Variants in ANXA6 observed in about 807,000 individuals in gnomAD.
ANXA6 encodes 67 kDa calelectrin.
ANXA6 carries 71 observed loss-of-function variants against 95.4 expected under a neutral mutation model. The observed-to-expected ratio is 0.74, with a 90% confidence interval of 0.61 to 0.91. The LOEUF (loss-of-function observed/expected upper bound fraction) is 0.91. Among genes scored for constraint, ANXA6 ranks in the 40% least tolerant of loss-of-function variants. ANXA6 has a pLI of 0.00. For missense variants in ANXA6, 830 were observed against 876.4 expected (o/e 0.95, Z 0.67); for synonymous variants, 289 against 315.9 (o/e 0.91, Z 0.90).
At chr5:151,104,257 A>C (rs931695911) in intron 24 of ANXA6, among the ~76,000 whole-genome samples, 6 of 152,130 alleles carry the variant, frequency 3.9e-5, no homozygotes, top group African/African-American at 1.4e-4. Context: ...TATGAGAATA[A>C]ATTTCTTTTG....
chr5:151,147,035 AGTGCTGGGATTATAGGTGAGAGTCACC>A (rs1222473585), intron 2 of ANXA6, among the ~76,000 whole-genome samples: 1 of 152,276 alleles, frequency 6.6e-6, no homozygotes, highest in African/African-American at 2.4e-5. Flanking sequence ...AGCCTCCCAA[AGTGCTGGGATTATAGGTGAGAGTCACC>A]GTGCCCAGCC....
At chr5:151,133,400 T>C (rs1208086158) in intron 8 of ANXA6, 3 of 549,368 alleles carry the variant, frequency 5.5e-6, no homozygotes, top group South Asian at 2.1e-5. Context: ...TGTGTGATCA[T>C]AGAGCACTCG....
chr5:151,103,046 G>T (rs1263296362), intron 25 of ANXA6, among the ~76,000 whole-genome samples: 7 of 152,164 alleles, frequency 4.6e-5, no homozygotes, highest in Non-Finnish European at 8.8e-5. Flanking sequence ...GCCCAGGCTG[G>T]AGTGCAGTGG....
intron 6 of ANXA6, 35 bp downstream of exon 6, chr5:151,137,196 T>C (rs1765687986): frequency 6.4e-7 from 1 of 1,568,812 alleles, no homozygotes; most frequent in Non-Finnish European, 8.8e-7. Flanking sequence ...ATTTTGTATC[T>C]GAAGATCCTA....
At chr5:151,143,596 A>C (rs1333921624) in intron 2 of ANXA6, among the ~76,000 whole-genome samples, 1 of 152,090 alleles carries the variant, frequency 6.6e-6, no homozygotes, top group Non-Finnish European at 1.5e-5. Context: ...GTAGAGATAC[A>C]TGACAGCTTC....
At chr5:151,135,110 AC>A (rs1296492840) in intron 7 of ANXA6, among the ~76,000 whole-genome samples, 2 of 152,126 alleles carry the variant, frequency 1.3e-5, no homozygotes, top group Admixed American at 1.3e-4. Context: ...ACTCCTTCTT[AC>A]GTGGGCAGAG....
intron 20 of ANXA6, 35 bp from the exon 21 acceptor site, chr5:151,110,679 G>A: frequency 6.2e-7 from 1 of 1,612,670 alleles, no homozygotes; most frequent in Non-Finnish European, 8.5e-7. Context: ...AGGGAGAGAA[G>A]GGAGGCAAGA....
intron 23 of ANXA6, among the ~76,000 whole-genome samples, chr5:151,106,041 T>G (rs752240221): frequency 1.6e-4 from 24 of 152,138 alleles, no homozygotes; most frequent in Non-Finnish European, 2.9e-4. Flanking sequence ...TTTAGAGAAA[T>G]ATTGCTCCAA....
chr5:151,157,108 T>C (rs934203134), intron 1 of ANXA6, among the ~76,000 whole-genome samples: 2 of 152,056 alleles, frequency 1.3e-5, no homozygotes, highest in Admixed American at 6.5e-5. Context: ...ACTGCATTCA[T>C]AGACAAGCAG....
At position 151,155,184 on chromosome 5, in the gene ANXA6, G is replaced by C. The variant is rs79432877; in HGVS notation, c.-26+2496C>G. On this transcript the variant is annotated intron_variant, in intron 1 of 25. Transcript: ENST00000354546. Reference sequence around the variant, plus strand: ...GGCATTAATAACAGCGTCTAACATAGCAAGGCTTCAGCCGGGGCCTGGCAA... The same window carrying C: ...GGCATTAATAACAGCGTCTAACATACCAAGGCTTCAGCCGGGGCCTGGCAA... The C allele has an allele frequency of 2.5e-3, 380 of 152,274 alleles. 2 individuals carry two copies. Among genetic ancestry groups the C allele is most frequent in the Admixed American group, 5.1e-3 (78 of 15,298 alleles). The allele number at this position is 152,274 out of a possible 1,614,324, so 9.4% of individuals were successfully genotyped here. A position where few individuals can be genotyped will look rare whatever the true frequency, so the allele number is the denominator to read the frequency against.
intron 24 of ANXA6, among the ~76,000 whole-genome samples, chr5:151,104,039 A>G (rs1764623885): frequency 6.6e-6 from 1 of 152,196 alleles, no homozygotes; most frequent in Admixed American, 6.5e-5. Context: ...ATATCTTTAG[A>G]AGAGGGAGGG....
At chr5:151,143,783 A>G (rs80183018) in intron 2 of ANXA6, among the ~76,000 whole-genome samples, 1,787 of 152,184 alleles carry the variant, frequency 0.012, 36 homozygotes, top group African/African-American at 0.042. Flanking sequence ...TCATAAATGG[A>G]TGGATGAATG....
intron 17 of ANXA6, among the ~76,000 whole-genome samples, chr5:151,121,778 T>C (rs1765174745): frequency 6.6e-6 from 1 of 152,184 alleles, no homozygotes; most frequent in Non-Finnish European, 1.5e-5. Flanking sequence ...TTGGAGTAAA[T>C]GCCAAGCCTG....
rs1355180038 is a variant in ANXA6 at position 151,131,270 on chromosome 5, G to A, written c.756C>T (p.Thr252=). The part of the protein sequence containing the change: ...MLAVVKCIRS[T]PEYFAERLFK... ...AGAGCCTTTCAGCAAAATATTCCGG[G>A]GTGCTCCGGATACACTTCACTGTGA... Residue 252 remains threonine (T), a synonymous_variant, in exon 11 of 26, where the codon ACC becomes ACT. Coordinates refer to ENST00000354546, the MANE Select transcript of ANXA6 (RefSeq NM_001155.5). 1.9e-6 allele frequency: 3 copies of A among 1,613,766 alleles called. No homozygotes were observed. Among genetic ancestry groups the A allele is most frequent in the African/African-American group, 2.7e-5 (2 of 74,890 alleles).
chr5:151,147,976 C>T, intron 1 of ANXA6, 50 bp from the exon 2 acceptor site: 1 of 1,496,656 alleles, frequency 6.7e-7, no homozygotes, highest in Non-Finnish European at 9.1e-7. Flanking sequence ...TCTAACCATC[C>T]CCTTTCTTTC....
At chr5:151,109,225 A>C (rs1175536689) in intron 22 of ANXA6, among the ~76,000 whole-genome samples, 1 of 152,118 alleles carries the variant, frequency 6.6e-6, no homozygotes, top group Non-Finnish European at 1.5e-5. Flanking sequence ...CCAGACATTA[A>C]ATGTAGACAT....
In ANXA6 at chr5:151,134,630, C is replaced by T. The variant is rs919318119; in HGVS notation, c.490-147G>A. On this transcript the variant is annotated intron_variant, in intron 7 of 25. Coordinates refer to ENST00000354546, the MANE Select transcript of ANXA6 (RefSeq NM_001155.5). ...AGTGACTGCTATTGCATGAAGACCA[C>T]AGTATCTATTTTGTGAGCCAATCAA... 8 of 793,462 alleles carry T rather than the reference C, an allele frequency of 1.0e-5. No individual in the cohort carries two copies. In the Middle Eastern group the frequency reaches 8.8e-4, roughly 87 times the overall value. The allele number at this position is 793,462 out of a possible 1,614,324, so 49.2% of individuals were successfully genotyped here.
Position 151,122,978 on chromosome 5 carries a change from G to C in ANXA6, c.1172C>G (p.Thr391Arg). The change falls in exon 16 of 26, where the codon ACG (threonine) becomes AGG (arginine). Residue 391 changes from threonine (T) to arginine (R), a missense_variant. Thr to Arg is a moderately conservative substitution (Grantham distance 71). Coordinates refer to ENST00000354546, the MANE Select transcript of ANXA6 (RefSeq NM_001155.5). Reference protein sequence around the residue: ...TDEDTIIDIITHRSNVQRQQI... With the variant: ...TDEDTIIDIIRHRSNVQRQQI... ...CTGCCGCTGGACATTGCTGCGGTGC[G>C]TGATGATATCGATGATTGTGTCTTC... The C allele has an allele frequency of 3.1e-6, 5 of 1,613,896 alleles. No individual in the cohort carries two copies. Among genetic ancestry groups the C allele is most frequent in the South Asian group, 1.1e-5 (1 of 91,086 alleles).
chr5:151,129,257 C>T, intron 12 of ANXA6, 150 bp downstream of exon 12: 1 of 996,960 alleles, frequency 1.0e-6, no homozygotes. Context: ...TCCTTAAATT[C>T]CTTGAATGAG....
Sources: allele counts gnomAD v4.1 joint callset (sites outside exome capture counted in the v4.1 genomes callset), GRCh38; gene constraint gnomAD v4.1.1; transcripts MANE v1.5; gene names NCBI Gene and HGNC (gene_info 2026-07-23, HGNC 2026-07-21).